Variants in RUFY2 observed in about 807,000 individuals in gnomAD.
RUFY2 encodes the protein RUN and FYVE domain containing 2, also known as RUN and FYVE domain-containing protein 2.
In RUFY2, 49 loss-of-function variants were observed where a neutral mutation model predicts 94.4. That is an observed-to-expected ratio of 0.52 (90% CI 0.41 to 0.66). The LOEUF (loss-of-function observed/expected upper bound fraction) is 0.66, where lower values mean the gene tolerates loss of function less well. Among genes scored for constraint, RUFY2 ranks in the 30% least tolerant of loss-of-function variants. The pLI, the probability that RUFY2 is intolerant of heterozygous loss-of-function variation, is 0.00. For synonymous variants in RUFY2, 255 were observed against 235.7 expected, an observed-to-expected ratio of 1.08 and a Z score of -0.75; for missense variants, 541 against 692.8, an observed-to-expected ratio of 0.78 and a Z score of 2.46.
At chr10:68,354,939 C>T (rs893182426) in intron 16 of RUFY2, among the ~76,000 whole-genome samples, 1 of 151,578 alleles carries the variant, frequency 6.6e-6, no homozygotes, top group African/African-American at 2.4e-5. Flanking sequence ...CTCCACCTTC[C>T]GGGCTCAAGC....
downstream of RUFY2, chr10:68,341,947 G>A (rs1245688642): frequency 6.2e-7 from 1 of 1,608,242 alleles, no homozygotes; most frequent in Non-Finnish European, 8.5e-7. Context: ...GATATCTCCT[G>A]CTGAGTGATT....
At chr10:68,372,548 C>T (rs1159463124) in intron 13 of RUFY2, among the ~76,000 whole-genome samples, 2 of 148,638 alleles carry the variant, frequency 1.3e-5, no homozygotes, top group Admixed American at 1.4e-4. Context: ...CTACTGTATT[C>T]CAGCCTCAGT....
At chr10:68,352,912 T>TC (rs2046786493) in intron 16 of RUFY2, among the ~76,000 whole-genome samples, 1 of 146,730 alleles carries the variant, frequency 6.8e-6, no homozygotes, top group African/African-American at 2.5e-5. Context: ...AGAGGGAGAC[T>TC]CCATCTCAAA....
chr10:68,401,976 T>A (rs867102925), intron 2 of RUFY2, among the ~76,000 whole-genome samples: 1 of 152,182 alleles, frequency 6.6e-6, no homozygotes, highest in Non-Finnish European at 1.5e-5. Context: ...ATATCAAATA[T>A]GCAGTAAGGT....
intron 7 of RUFY2, among the ~76,000 whole-genome samples, chr10:68,391,502 A>G (rs2049980589): frequency 6.6e-6 from 1 of 151,592 alleles, no homozygotes; most frequent in Non-Finnish European, 1.5e-5. Context: ...ATTTAAAATT[A>G]CTAGGCATGG....
At chr10:68,367,676 T>C (rs2047949291) in intron 13 of RUFY2, among the ~76,000 whole-genome samples, 1 of 151,708 alleles carries the variant, frequency 6.6e-6, no homozygotes, top group South Asian at 2.1e-4. Flanking sequence ...TTTCTTTCTC[T>C]CTCTCCCTCC....
chr10:68,369,061 G>T (rs1372562896), intron 13 of RUFY2, among the ~76,000 whole-genome samples: 2 of 152,192 alleles, frequency 1.3e-5, no homozygotes, highest in East Asian at 3.9e-4. Flanking sequence ...TGCTGTGGTA[G>T]TATCAGAAAA....
intron 1 of RUFY2, chr10:68,406,936 G>A: frequency 6.4e-7 from 1 of 1,555,152 alleles, no homozygotes; most frequent in Non-Finnish European, 8.7e-7. Flanking sequence ...GGACGCCGTG[G>A]CACCTCGAGC....
chr10:68,377,880 G>A (rs903535781), intron 12 of RUFY2: 119 of 985,122 alleles, frequency 1.2e-4, no homozygotes, highest in Non-Finnish European at 1.4e-4. Context: ...CCATACCAAT[G>A]GAGCAACCCT....
intron 15 of RUFY2, among the ~76,000 whole-genome samples, chr10:68,359,424 C>T (rs537686521): frequency 9.3e-4 from 81 of 87,298 alleles, no homozygotes; most frequent in East Asian, 9.8e-4. Flanking sequence ...GTGTGTATTG[C>T]GTGTATATAT....
chr10:68,401,740 G>A lies in RUFY2; in HGVS notation c.179-3C>T, dbSNP rs781426883. ...GTAACTCAAAAATGATTTTCTTACT[G>A]AAAAAAAGAACACATAATGCACACA... On this transcript the variant is annotated splice_polypyrimidine_tract_variant and splice_region_variant and intron_variant, in intron 2 of 17. Coordinates refer to ENST00000602465, the MANE Select transcript of RUFY2 (RefSeq NM_001330103.2). The A allele has an allele frequency of 8.2e-5, 127 of 1,556,782 alleles. No individual in the cohort carries two copies. Among genetic ancestry groups the A allele is most frequent in the Non-Finnish European group, 1.1e-4 (123 of 1,128,956 alleles).
At position 68,377,412 on chromosome 10, in the gene RUFY2, G is replaced by T. The variant is rs2048749166; in HGVS notation, c.1206-440C>A. 3.0e-6 allele frequency: 3 copies of T among 1,004,896 alleles called. No homozygotes were observed. The African/African-American group carries it at 5.2e-5, about 18-fold the overall frequency. The allele number at this position is 1,004,896 out of a possible 1,614,324, so 62.2% of individuals were successfully genotyped here. On this transcript the variant is annotated intron_variant, in intron 12 of 17. Coordinates refer to ENST00000602465, the MANE Select transcript of RUFY2 (RefSeq NM_001330103.2). Reference sequence around the variant, plus strand: ...CTAGGATGTGTATGCCAGGAATCAAGTGTGCTACAAGGCCAAGAGCAAAGA... The same window carrying T: ...CTAGGATGTGTATGCCAGGAATCAATTGTGCTACAAGGCCAAGAGCAAAGA...
chr10:68,394,273 A>T, intron 5 of RUFY2, 55 bp downstream of exon 5: 7 of 1,611,246 alleles, frequency 4.3e-6, no homozygotes, highest in Non-Finnish European at 5.1e-6. Flanking sequence ...CTGATCAAGG[A>T]GGAACTGTGC....
chr10:68,375,309 T>G (rs564421912), intron 13 of RUFY2, among the ~76,000 whole-genome samples: 1 of 107,036 alleles, frequency 9.3e-6, no homozygotes, highest in Non-Finnish European at 1.8e-5. Context: ...AGGTGTCTAT[T>G]TGAGGGGGGA....
chr10:68,401,572 T>A, intron 3 of RUFY2, 48 bp downstream of exon 3: 1 of 1,162,918 alleles, frequency 8.6e-7, no homozygotes, highest in Non-Finnish European at 1.3e-6. Flanking sequence ...GGAGGAACAA[T>A]GAATACACTT....
chr10:68,377,671 G>T, intron 12 of RUFY2: 2 of 985,248 alleles, frequency 2.0e-6, no homozygotes, highest in South Asian at 4.7e-5. Context: ...GTTTTTATTT[G>T]TAAGTCGTTG....
At chr10:68,354,034 A>G (rs1289437723) in intron 16 of RUFY2, among the ~76,000 whole-genome samples, 2 of 152,124 alleles carry the variant, frequency 1.3e-5, no homozygotes, top group Non-Finnish European at 2.9e-5. Flanking sequence ...CAGAAGAAAC[A>G]GCTAAAAAAC....
chr10:68,353,084 G>C (rs1564781085), intron 16 of RUFY2, among the ~76,000 whole-genome samples: 1 of 152,160 alleles, frequency 6.6e-6, no homozygotes, highest in Non-Finnish European at 1.5e-5. Flanking sequence ...TGTAAGCCCA[G>C]CACTTTGGGA....
intron 3 of RUFY2, among the ~76,000 whole-genome samples, chr10:68,397,609 A>T (rs115624991): frequency 0.03 from 4,622 of 151,560 alleles, 229 homozygotes; most frequent in African/African-American, 0.1. Context: ...AAAAAAAATT[A>T]AAAAAGTGAA....
Sources: allele counts gnomAD v4.1 joint callset (sites outside exome capture counted in the v4.1 genomes callset), GRCh38; gene constraint gnomAD v4.1.1; transcripts MANE v1.5; gene names NCBI Gene and HGNC (gene_info 2026-07-23, HGNC 2026-07-21).